Variants in RIPOR1 observed in about 807,000 individuals in gnomAD.
The protein encoded by RIPOR1 is RHO family interacting cell polarization regulator 1, also known as rho family-interacting cell polarization regulator 1.
RIPOR1 carries 58 observed loss-of-function variants against 116.5 expected under a neutral mutation model. That is an observed-to-expected ratio of 0.50 (90% CI 0.40 to 0.62). RIPOR1 has a LOEUF of 0.62. Ranked by LOEUF, RIPOR1 falls within the 20% of genes least tolerant of loss-of-function variation. RIPOR1 has a pLI of 0.00. For missense variants in RIPOR1, 1,372 were observed against 1,586.2 expected, an observed-to-expected ratio of 0.86 and a Z score of 2.29; for synonymous variants, 605 against 650.0, an observed-to-expected ratio of 0.93 and a Z score of 1.05.
rs1485904422 is a variant in RIPOR1 at position 67,538,494 on chromosome 16, G to A, written c.48G>A (p.Arg16=). Reference sequence around the variant, plus strand: ...CGCAGCGCCGTCTGCTCAGCGCCCGGGTCAATAGGAGCCAGTCCTTCGCAG... The same window carrying A: ...CGCAGCGCCGTCTGCTCAGCGCCCGAGTCAATAGGAGCCAGTCCTTCGCAG... ...VRPQRRLLSA[R]VNRSQSFAGV... is the part of the protein sequence containing the mutation. The change falls in exon 2 of 22, where the codon CGG becomes CGA. Residue 16 remains arginine, a synonymous_variant. Coordinates refer to ENST00000042381, the MANE Select transcript of RIPOR1 (RefSeq NM_024519.4). 6.2e-7 allele frequency: 1 copy of A among 1,611,940 alleles called. No homozygotes were observed.
At position 67,541,791 on chromosome 16, in the gene RIPOR1, T is replaced by C; in HGVS notation, c.1080+9T>C. On this transcript the variant is annotated intron_variant, in intron 12 of 21. Coordinates refer to ENST00000042381, the MANE Select transcript of RIPOR1 (RefSeq NM_024519.4). The surrounding 1 kb of genome is among the most constrained non-coding windows in gnomAD (Gnocchi z 4.6). Reference sequence around the variant, plus strand: ...GGGAACAGGCTTTCTATGTGAGTCATAGCCCAGGTCCAGGCCTCACCATCC... The same window carrying C: ...GGGAACAGGCTTTCTATGTGAGTCACAGCCCAGGTCCAGGCCTCACCATCC... 6.2e-7 allele frequency: 1 copy of C among 1,614,054 alleles called. No homozygotes were observed. The highest frequency in any genetic ancestry group is 8.5e-7 in the Non-Finnish European group (1 of 1,179,970).
rs1371272568 is a variant in RIPOR1 at position 67,546,483 on chromosome 16, C to CT, written c.*21dup. 2 of 1,599,834 alleles carry CT rather than the reference C, an allele frequency of 1.3e-6. No individual in the cohort carries two copies. Among genetic ancestry groups the CT allele is most frequent in the Middle Eastern group, 1.7e-4 (1 of 5,874 alleles). On this transcript the variant is annotated 3_prime_UTR_variant, in exon 22 of 22. Coordinates refer to ENST00000042381, the MANE Select transcript of RIPOR1 (RefSeq NM_024519.4). ...TTCTAAACTATTCACCCATGGGTTCCTGGTGCCCCTTTCCCCCCACTTTCA... is the reference window on the plus strand; with the variant it reads ...TTCTAAACTATTCACCCATGGGTTCCTTGGTGCCCCTTTCCCCCCACTTTCA...
chr16:67,546,298 A>G, intron 21 of RIPOR1, 67 bp downstream of exon 21: 1 of 1,606,988 alleles, frequency 6.2e-7, no homozygotes, highest in Non-Finnish European at 8.5e-7. Flanking sequence ...AGTAGGAGAG[A>G]TGGCGCCAGG....
Position 67,544,318 on chromosome 16 carries a change from G to C in RIPOR1, c.2620G>C (p.Ala874Pro), listed in dbSNP as rs543164760. 3.7e-6 allele frequency: 6 copies of C among 1,608,558 alleles called. No homozygotes were observed. Among genetic ancestry groups the C allele is most frequent in the Non-Finnish European group, 5.1e-6 (6 of 1,175,854 alleles). The change falls in exon 15 of 22, where the codon GCT becomes CCT. Residue 874 changes from alanine (A) to proline (P), a missense_variant. Coordinates refer to ENST00000042381, the MANE Select transcript of RIPOR1 (RefSeq NM_024519.4). The surrounding 1 kb of genome is among the most constrained non-coding windows in gnomAD (Gnocchi z 5.1). ...CCTCAGGCCTCCAAGCAGCCCGGAG[G>C]CTGGGGCTGAGGACAGCATAGACTC... ...PGDRPPSSPE[A>P]GAEDSIDSPS...
rs1481092003 is a variant in RIPOR1, at chr16:67,537,623, AG to A, written c.-23-800del. On this transcript the variant is annotated intron_variant, in intron 1 of 21. Transcript: ENST00000042381. The surrounding 1 kb of genome is among the most constrained non-coding windows in gnomAD (Gnocchi z 4.6). Reference sequence around the variant, plus strand: ...GTAGGACCCAGCTCGGGGCTGCGAAAGCTCAGGGACTGGCCCCAGGGGAAGC... The same window carrying A: ...GTAGGACCCAGCTCGGGGCTGCGAAACTCAGGGACTGGCCCCAGGGGAAGC... 4.3e-6 allele frequency: 6 copies of A among 1,390,368 alleles called. No individual in the cohort carries two copies. The highest frequency in any genetic ancestry group is 5.6e-6 in the Non-Finnish European group (6 of 1,064,752). 86.1% of individuals were successfully genotyped at this position (1,390,368 alleles called of 1,614,324 possible).
intron 1 of RIPOR1, among the ~76,000 whole-genome samples, chr16:67,522,191 A>ATTTTTT (rs34835336): frequency 0.012 from 868 of 71,300 alleles, 91 homozygotes; most frequent in African/African-American, 0.019. Context: ...CCACGCCCAG[A>ATTTTTT]TTTTTTTTTT....
chr16:67,525,785 T>C (rs1351322319), upstream of RIPOR1, among the ~76,000 whole-genome samples: 1 of 151,936 alleles, frequency 6.6e-6, no homozygotes, highest in Non-Finnish European at 1.5e-5. Context: ...GCTCAGGAAA[T>C]GATGCCTGAT....
intron 1 of RIPOR1, among the ~76,000 whole-genome samples, chr16:67,521,950 G>C (rs1203075892): frequency 1.3e-5 from 2 of 152,226 alleles, no homozygotes; most frequent in Non-Finnish European, 2.9e-5. Flanking sequence ...TCTCAGGACC[G>C]ATGGATGCAG....
intron 1 of RIPOR1, among the ~76,000 whole-genome samples, chr16:67,535,270 C>T (rs533242659): frequency 1.3e-5 from 2 of 152,290 alleles, no homozygotes; most frequent in East Asian, 3.9e-4. Context: ...CAGTGAGGGC[C>T]TGGCCAAGGT....
rs1160842888 is a variant in RIPOR1, at chr16:67,538,804, G to A, written c.237G>A (p.Thr79=). Residue 79 remains threonine, a synonymous_variant, in exon 3 of 22, where the codon ACG becomes ACA. Transcript: ENST00000042381. ...PQPERLDLVY[T]ALKRGLTAYL... ...CCGAGCGGCTGGACCTGGTGTACAC[G>A]GCGCTGAAGCGGGGCCTGACGTGAG... is the stretch of plus-strand genomic sequence containing the variant. 2 of 1,613,238 alleles carry A rather than the reference G, an allele frequency of 1.2e-6. No individual in the cohort carries two copies. The highest frequency in any genetic ancestry group is 8.5e-7 in the Non-Finnish European group (1 of 1,179,972).
At chr16:67,523,734 G>T (rs2050517079) in intron 1 of RIPOR1, among the ~76,000 whole-genome samples, 1 of 150,936 alleles carries the variant, frequency 6.6e-6, no homozygotes, top group Admixed American at 6.6e-5. Context: ...AGGCTGGAGT[G>T]CAGTGGCACA....
chr16:67,538,780 C>T lies in RIPOR1; in HGVS notation c.213C>T (p.Pro71=). 1 of 1,613,548 alleles carries T rather than the reference C, an allele frequency of 6.2e-7. No homozygotes were observed. The highest frequency in any genetic ancestry group is 8.5e-7 in the Non-Finnish European group (1 of 1,179,968). ...ACCCAGCCGCCAAGGTGCCGCAGCC[C>T]GAGCGGCTGGACCTGGTGTACACGG... ...VAHPAAKVPQ[P]ERLDLVYTAL... Residue 71 remains proline, a synonymous_variant, in exon 3 of 22, where the codon CCC becomes CCT. Transcript: ENST00000042381.
In RIPOR1 at chr16:67,540,243, G is replaced by A. The variant is rs780417375; in HGVS notation, c.567+38G>A. 1.9e-6 allele frequency: 3 copies of A among 1,613,808 alleles called. No individual in the cohort carries two copies. Among genetic ancestry groups the A allele is most frequent in the Non-Finnish European group, 2.5e-6 (3 of 1,179,838 alleles). On this transcript the variant is annotated intron_variant, in intron 7 of 21. Transcript: ENST00000042381. The surrounding 1 kb of genome is among the most constrained non-coding windows in gnomAD (Gnocchi z 4.7). ...GGCCCATGAGGCAGAGGCACAGGGT[G>A]TGGCAGGGCTAGTGGCTGGCCCTTG...
In RIPOR1 at chr16:67,541,377, T is replaced by C; in HGVS notation, c.802-53T>C. On this transcript the variant is annotated intron_variant, in intron 10 of 21. Coordinates refer to ENST00000042381, the MANE Select transcript of RIPOR1 (RefSeq NM_024519.4). The surrounding 1 kb of genome is among the most constrained non-coding windows in gnomAD (Gnocchi z 4.6). ...GCAAATTCAGACCTCAGATTTCCCA[T>C]GATCTCATAGCCCCTGCACCCTTGT... 2 of 1,565,136 alleles carry C rather than the reference T, an allele frequency of 1.3e-6. No homozygotes were observed. Among genetic ancestry groups the C allele is most frequent in the Non-Finnish European group, 1.7e-6 (2 of 1,153,226 alleles).
Position 67,545,972 on chromosome 16 carries a change from G to A in RIPOR1, c.3411G>A (p.Gln1137=), listed in dbSNP as rs750142170. 5 of 1,613,904 alleles carry A rather than the reference G, an allele frequency of 3.1e-6. No homozygotes were observed. Among genetic ancestry groups the A allele is most frequent in the African/African-American group, 1.3e-5 (1 of 74,896 alleles). Residue 1137 remains glutamine (Q), a synonymous_variant, in exon 20 of 22, where the codon CAG becomes CAA. Coordinates refer to ENST00000042381, the MANE Select transcript of RIPOR1 (RefSeq NM_024519.4). The surrounding 1 kb of genome is among the most constrained non-coding windows in gnomAD (Gnocchi z 4.8). ...AGGCCCTCCTGTGCTTCCTGGACCA[G>A]CTGGAGGATGAGGACGTGCAGACTC... is the stretch of plus-strand genomic sequence containing the variant. The part of the protein sequence containing the change: ...RERALLCFLD[Q]LEDEDVQTRV...
At chr16:67,538,625 CTGGGG>C in intron 2 of RIPOR1, 42 bp from the exon 3 acceptor site, 2 of 1,608,692 alleles carry the variant, frequency 1.2e-6, no homozygotes, top group Non-Finnish European at 1.7e-6. Flanking sequence ...TAGTGAGAGT[CTGGGG>C]GACTCCTGCT....
upstream of RIPOR1, among the ~76,000 whole-genome samples, chr16:67,527,596 G>A (rs947962165): frequency 2.6e-5 from 4 of 151,882 alleles, no homozygotes; most frequent in Non-Finnish European, 5.9e-5. Context: ...GACCAAACAG[G>A]CTGGGCGCGG....
Position 67,540,980 on chromosome 16 carries a change from C to T in RIPOR1, c.801+276C>T, listed in dbSNP as rs967366322. ...CCCATGAGGCTGTGACCTCTATGAC[C>T]TCAGTGACCCTACCATGCAGACCTC... On this transcript the variant is annotated intron_variant, in intron 10 of 21. Transcript: ENST00000042381. This position sits in a 1 kb window ranked among gnomAD's most constrained non-coding sequence, Gnocchi z 4.7. 1.1e-4 allele frequency among the ~76,000 whole-genome samples: 17 copies of T among 152,148 alleles called. No individual in the cohort carries two copies. The highest frequency in any genetic ancestry group is 4.1e-4 in the African/African-American group (17 of 41,418).
chr16:67,537,844 G>A lies in RIPOR1; in HGVS notation c.-23-580G>A, dbSNP rs4329916. Among the ~76,000 whole-genome samples, 5,722 of 151,988 alleles carry A rather than the reference G, an allele frequency of 0.038. 358 individuals carry two copies. Among genetic ancestry groups the A allele is most frequent in the African/African-American group, 0.13 (5,315 of 41,482 alleles). On this transcript the variant is annotated intron_variant, in intron 1 of 21. Coordinates refer to ENST00000042381, the MANE Select transcript of RIPOR1 (RefSeq NM_024519.4). This position sits in a 1 kb window ranked among gnomAD's most constrained non-coding sequence, Gnocchi z 4.6. Reference sequence around the variant, plus strand: ...CTCTGGGAATCCCCCTGCCTGGAGGGCGCCGGGACGCCCGGGCCGGTGGGG... The same window carrying A: ...CTCTGGGAATCCCCCTGCCTGGAGGACGCCGGGACGCCCGGGCCGGTGGGG...
Sources: allele counts gnomAD v4.1 joint callset (sites outside exome capture counted in the v4.1 genomes callset), GRCh38; gene constraint gnomAD v4.1.1; non-coding constraint Gnocchi (gnomAD v3.1); transcripts MANE v1.5; gene names NCBI Gene and HGNC (gene_info 2026-07-23, HGNC 2026-07-21).